Variants in NPAT observed in about 807,000 individuals in gnomAD.
The protein encoded by NPAT is protein NPAT.
Under a neutral mutation model 130.7 loss-of-function variants are expected in NPAT, and 52 were observed. The ratio of observed to expected loss-of-function variants is 0.40; its 90% CI spans 0.32 to 0.50. NPAT has a LOEUF of 0.50. NPAT is among the 20% of genes least tolerant of loss of function. The probability of loss-of-function intolerance (pLI) is 0.68; values close to 1 mark genes in which losing one functional copy is unlikely to be tolerated. For synonymous variants in NPAT, 580 were observed against 584.8 expected, an observed-to-expected ratio of 0.99 and a Z score of 0.12; for missense variants, 1,687 against 1,662.6, an observed-to-expected ratio of 1.01 and a Z score of -0.26.
At chr11:108,167,395 T>C (rs1014043995) in intron 15 of NPAT, among the ~76,000 whole-genome samples, 8 of 152,182 alleles carry the variant, frequency 5.3e-5, no homozygotes, top group African/African-American at 1.9e-4. Flanking sequence ...ATTTATTTTC[T>C]AGAGATGTGG....
intron 15 of NPAT, among the ~76,000 whole-genome samples, chr11:108,168,476 T>C (rs1217621376): frequency 6.6e-6 from 1 of 152,162 alleles, no homozygotes; most frequent in Non-Finnish European, 1.5e-5. Context: ...CCTACATCAA[T>C]AGATGTATAC....
At chr11:108,212,988 C>T (rs1230609545) in intron 1 of NPAT, among the ~76,000 whole-genome samples, 2 of 145,296 alleles carry the variant, frequency 1.4e-5, no homozygotes, top group Non-Finnish European at 3.0e-5. Flanking sequence ...TAAGAAACCT[C>T]CCTGGGCGGG....
chr11:108,174,565 A>T (rs76242478), intron 12 of NPAT, among the ~76,000 whole-genome samples: 2 of 117,462 alleles, frequency 1.7e-5, no homozygotes, highest in African/African-American at 8.8e-5. Flanking sequence ...AGAAGATCTT[A>T]AAAAAAAAAA....
chr11:108,163,111 G>A (rs1201636062), intron 15 of NPAT, among the ~76,000 whole-genome samples: 2 of 149,086 alleles, frequency 1.3e-5, no homozygotes, highest in East Asian at 1.9e-4. Context: ...ACGGAGTCTC[G>A]CTCTATTGCC....
intron 1 of NPAT, among the ~76,000 whole-genome samples, chr11:108,208,037 T>G (rs1278055298): frequency 6.6e-6 from 1 of 152,252 alleles, no homozygotes; most frequent in African/African-American, 2.4e-5. Context: ...AGTATATCCC[T>G]TATCTGAAAT....
chr11:108,210,876 C>T (rs2078377622), intron 1 of NPAT, among the ~76,000 whole-genome samples: 1 of 152,160 alleles, frequency 6.6e-6, no homozygotes, highest in Non-Finnish European at 1.5e-5. Context: ...TGCCCTGATA[C>T]CAAAACAAGA....
chr11:108,158,951 A>G lies in NPAT; in HGVS notation c.4275T>C (p.Tyr1425=). ...DVDKFLLSLH[Y]DE ...TATGTGTCCAGAATGTTTACTCATC[A>G]TAATGCAATGATAACAAAAATTTGT... The change falls in exon 18 of 18, where the codon TAT becomes TAC. Residue 1425 remains tyrosine, a synonymous_variant. Transcript: ENST00000278612. The G allele has an allele frequency of 3.1e-6, 5 of 1,594,716 alleles. No homozygotes were observed. The highest frequency in any genetic ancestry group is 4.3e-6 in the Non-Finnish European group (5 of 1,164,548).
At chr11:108,204,571 A>C (rs546357361) in intron 1 of NPAT, among the ~76,000 whole-genome samples, 1 of 141,334 alleles carries the variant, frequency 7.1e-6, no homozygotes, top group Admixed American at 7.2e-5. Context: ...CCGAACCTGC[A>C]GAACCTGCCG....
intron 1 of NPAT, among the ~76,000 whole-genome samples, chr11:108,222,032 G>T (rs1456015719): frequency 3.3e-5 from 5 of 152,156 alleles, no homozygotes; most frequent in African/African-American, 1.2e-4. Context: ...CAAATTCGTA[G>T]TTATAAGGGC....
At chr11:108,177,932 G>A (rs1476896690) in intron 10 of NPAT, among the ~76,000 whole-genome samples, 1 of 152,072 alleles carries the variant, frequency 6.6e-6, no homozygotes, top group Non-Finnish European at 1.5e-5. Flanking sequence ...TGTTGCCCAG[G>A]CTGGTCTTGA....
intron 17 of NPAT, among the ~76,000 whole-genome samples, chr11:108,159,847 TA>T (rs113946560): frequency 4.6e-4 from 61 of 132,088 alleles, no homozygotes; most frequent in South Asian, 1.2e-3. Flanking sequence ...ACTGTCTCTA[TA>T]AAAAAAAAAA....
intron 15 of NPAT, among the ~76,000 whole-genome samples, chr11:108,166,232 A>G (rs2077901648): frequency 6.6e-6 from 1 of 152,078 alleles, no homozygotes; most frequent in Non-Finnish European, 1.5e-5. Context: ...TCTCTACTAA[A>G]AATACAAAAA....
intron 12 of NPAT, among the ~76,000 whole-genome samples, chr11:108,175,735 G>C (rs555301756): frequency 1.0e-3 from 156 of 152,306 alleles, no homozygotes; most frequent in Non-Finnish European, 1.8e-3. Context: ...TTTTTTACTG[G>C]TGGGAGCAGG....
Position 108,158,857 on chromosome 11 carries a change from C to T in NPAT, c.*85G>A. On this transcript the variant is annotated 3_prime_UTR_variant, in exon 18 of 18. Coordinates refer to ENST00000278612, the MANE Select transcript of NPAT (RefSeq NM_002519.3). The stretch of plus-strand genomic sequence containing the variant: ...ACAATGAAAGTGCAGGTCATGCTTT[C>T]AGATTCTGTCAATATCCCATTCCCT... The T allele has an allele frequency of 2.5e-6, 2 of 804,774 alleles. No homozygotes were observed. Among genetic ancestry groups the T allele is most frequent in the South Asian group, 1.4e-5 (1 of 70,422 alleles). 49.9% of individuals were successfully genotyped at this position (804,774 alleles called of 1,614,324 possible).
Position 108,161,370 on chromosome 11 carries a change from C to A in NPAT, c.3716G>T (p.Ser1239Ile). The A allele has an allele frequency of 6.2e-7, 1 of 1,614,164 alleles. No homozygotes were observed. The highest frequency in any genetic ancestry group is 8.5e-7 in the Non-Finnish European group (1 of 1,180,012). ...DLKQEQTKSA[S>I]SLITTEMLQD... ...TAACATTTCTGTGGTAATCAAAGAA[C>A]TGGCGGATTTAGTTTGTTCTTGTTT... Residue 1239 changes from serine to isoleucine, a missense_variant, in exon 17 of 18, where the codon AGT becomes ATT. Physicochemically the swap from Ser to Ile is moderately radical, Grantham distance 142. Transcript: ENST00000278612.
intron 5 of NPAT, among the ~76,000 whole-genome samples, chr11:108,190,155 CA>C (rs1211493945): frequency 6.7e-6 from 1 of 149,510 alleles, no homozygotes; most frequent in Non-Finnish European, 1.5e-5. Flanking sequence ...ACTAAAAATA[CA>C]AAAAAAATTA....
intron 3 of NPAT, among the ~76,000 whole-genome samples, chr11:108,193,720 C>T (rs955716048): frequency 7.3e-5 from 11 of 151,502 alleles, no homozygotes; most frequent in East Asian, 3.9e-4. Context: ...ATTGAAACTC[C>T]GTCTCAAAAA....
At chr11:108,212,872 G>A (rs983183801) in intron 1 of NPAT, among the ~76,000 whole-genome samples, 2 of 150,614 alleles carry the variant, frequency 1.3e-5, no homozygotes, top group African/African-American at 4.9e-5. Context: ...CTTGAACCAG[G>A]GAGGTGGAGG....
At chr11:108,160,593 A>G (rs1485520417) in intron 17 of NPAT, among the ~76,000 whole-genome samples, 1 of 152,220 alleles carries the variant, frequency 6.6e-6, no homozygotes, top group East Asian at 1.9e-4. Context: ...GATGTTTATA[A>G]ACAAATGCCT....
Sources: allele counts gnomAD v4.1 joint callset (sites outside exome capture counted in the v4.1 genomes callset), GRCh38; gene constraint gnomAD v4.1.1; transcripts MANE v1.5; gene names NCBI Gene and HGNC (gene_info 2026-07-23, HGNC 2026-07-21).